Variants in ELF2 observed in about 807,000 individuals in gnomAD.
ELF2 encodes the protein ETS-related transcription factor Elf-2.
A neutral mutation model predicts 54.8 loss-of-function variants in ELF2; 11 were observed. The ratio of observed to expected loss-of-function variants is 0.20; its 90% CI spans 0.13 to 0.33. The LOEUF (loss-of-function observed/expected upper bound fraction) is 0.33. ELF2 is among the 10% of genes least tolerant of loss of function. The pLI is 1.00. For synonymous variants in ELF2, 203 were observed against 245.1 expected (o/e 0.83, Z 1.61); for missense variants, 513 against 703.0 (o/e 0.73, Z 3.06).
At chr4:139,131,858 G>A (rs1737522929) in intron 3 of ELF2, among the ~76,000 whole-genome samples, 1 of 151,266 alleles carries the variant, frequency 6.6e-6, no homozygotes, top group Admixed American at 6.6e-5. Flanking sequence ...CATACAATGA[G>A]AGACTATTCA....
intron 4 of ELF2, among the ~76,000 whole-genome samples, chr4:139,082,338 T>G (rs1281597951): frequency 6.6e-6 from 1 of 152,180 alleles, no homozygotes; most frequent in Non-Finnish European, 1.5e-5. Context: ...ATCCCTTAAT[T>G]CATATTGTAG....
chr4:139,176,701 T>C (rs1355172672), intron 1 of ELF2, among the ~76,000 whole-genome samples: 10 of 149,570 alleles, frequency 6.7e-5, no homozygotes, highest in Non-Finnish European at 1.2e-4. Context: ...CGCCCCGCGC[T>C]CCCCGCGGGC....
intron 1 of ELF2, among the ~76,000 whole-genome samples, chr4:139,154,456 A>T (rs762684210): frequency 5.9e-5 from 9 of 152,036 alleles, no homozygotes; most frequent in Non-Finnish European, 1.0e-4. Flanking sequence ...ATTAGTTGTG[A>T]AAGGGAAAAT....
chr4:139,072,872 G>C (rs1412180240), intron 5 of ELF2, among the ~76,000 whole-genome samples: 4 of 152,148 alleles, frequency 2.6e-5, no homozygotes, highest in African/African-American at 9.7e-5. Context: ...CAATGAGAAG[G>C]TGAGCCAGTA....
chr4:139,129,079 C>T (rs907349033), intron 3 of ELF2, among the ~76,000 whole-genome samples: 1 of 152,144 alleles, frequency 6.6e-6, no homozygotes, highest in East Asian at 1.9e-4. Flanking sequence ...GCTGGGATTA[C>T]AGGCATGTGC....
At chr4:139,176,612 T>C (rs1222768248) in intron 1 of ELF2, among the ~76,000 whole-genome samples, 5 of 151,952 alleles carry the variant, frequency 3.3e-5, no homozygotes, top group African/African-American at 9.7e-5. Flanking sequence ...CGCGCAGAGA[T>C]GTAAACACGG....
At chr4:139,128,827 A>C (rs1251853484) in intron 3 of ELF2, among the ~76,000 whole-genome samples, 1 of 151,574 alleles carries the variant, frequency 6.6e-6, no homozygotes, top group Non-Finnish European at 1.5e-5. Context: ...CAGCCTCAAA[A>C]TGTTAATAAC....
intron 4 of ELF2, among the ~76,000 whole-genome samples, chr4:139,109,965 A>G (rs1734794452): frequency 6.6e-6 from 1 of 152,228 alleles, no homozygotes; most frequent in South Asian, 2.1e-4. Context: ...AAACCTGCAC[A>G]TGTACCCCCT....
In ELF2 at chr4:139,097,718, T is replaced by A. The variant is rs894795618; in HGVS notation, c.239-24151A>T. On this transcript the variant is annotated intron_variant, in intron 4 of 9. Coordinates refer to ENST00000686138, the MANE Select transcript of ELF2 (RefSeq NM_001331036.3). ...TTCATTTCTTTTTTGATCCACTAAT[T>A]TTTAGTTTCCAATATTATTATTTTG... Among the ~76,000 whole-genome samples the A allele has an allele frequency of 1.6e-4, 24 of 152,196 alleles. 1 individual carries two copies. The highest frequency in any genetic ancestry group is 1.5e-3 in the Admixed American group (23 of 15,280).
chr4:139,090,913 G>GTTTGTTTTGTTTTGT (rs60267592), intron 4 of ELF2, among the ~76,000 whole-genome samples: 3 of 149,540 alleles, frequency 2.0e-5, no homozygotes, highest in African/African-American at 7.4e-5. Context: ...ATAGTATATG[G>GTTTGTTTTGTTTTGT]TTTGTTTTGT....
intron 4 of ELF2, chr4:139,117,953 C>CA (rs60424237): frequency 0.95 from 138,807 of 145,986 alleles, 66,073 homozygotes; most frequent in Admixed American, 0.98. Context: ...GATTCCACCT[C>CA]AAAAAAAAAA....
intron 4 of ELF2, among the ~76,000 whole-genome samples, chr4:139,097,310 C>A (rs147983472): frequency 6.6e-6 from 1 of 152,086 alleles, no homozygotes; most frequent in African/African-American, 2.4e-5. Context: ...CAGGTGTGCA[C>A]CCACACCCAG....
intron 1 of ELF2, among the ~76,000 whole-genome samples, chr4:139,162,218 A>T (rs1012620521): frequency 1.2e-4 from 19 of 152,086 alleles, no homozygotes; most frequent in Middle Eastern, 3.4e-3. Flanking sequence ...AATAAAAATT[A>T]AAAAAATAAC....
At chr4:139,167,900 A>G (rs1741884907) in intron 1 of ELF2, among the ~76,000 whole-genome samples, 1 of 152,196 alleles carries the variant, frequency 6.6e-6, no homozygotes, top group African/African-American at 2.4e-5. Flanking sequence ...GGAGACTCTT[A>G]CCCCTCTTAA....
At chr4:139,115,330 C>A (rs1197142706) in intron 4 of ELF2, 9 of 1,471,102 alleles carry the variant, frequency 6.1e-6, no homozygotes, top group Non-Finnish European at 8.1e-6. Flanking sequence ...GCCCGGGGGC[C>A]GGGGTCGCCA....
intron 1 of ELF2, among the ~76,000 whole-genome samples, chr4:139,169,284 G>A (rs567141318): frequency 6.7e-6 from 1 of 148,578 alleles, no homozygotes; most frequent in East Asian, 2.0e-4. Context: ...GGAGGCAGAG[G>A]TTGCGGCAAG....
chr4:139,084,299 A>G, intron 4 of ELF2: 2 of 1,597,850 alleles, frequency 1.3e-6, no homozygotes, highest in Non-Finnish European at 1.7e-6. Context: ...TGCGACCGAC[A>G]CACACTCACG....
intron 3 of ELF2, among the ~76,000 whole-genome samples, chr4:139,126,715 C>T (rs775533379): frequency 1.1e-4 from 16 of 152,180 alleles, no homozygotes; most frequent in Non-Finnish European, 2.2e-4. Flanking sequence ...ATTCTTCACC[C>T]AGTCAAATCA....
intron 1 of ELF2, among the ~76,000 whole-genome samples, chr4:139,161,651 TTAAAAAAA>T (rs966822515): frequency 6.9e-5 from 7 of 101,868 alleles, no homozygotes; most frequent in African/African-American, 2.8e-4. Context: ...GTAAAACTGT[TTAAAAAAA>T]AAAAAAAAAA....
Sources: allele counts gnomAD v4.1 joint callset (sites outside exome capture counted in the v4.1 genomes callset), GRCh38; gene constraint gnomAD v4.1.1; transcripts MANE v1.5; gene names NCBI Gene and HGNC (gene_info 2026-07-23, HGNC 2026-07-21).